The following RARB variants were observed in gnomAD, a reference collection of about 807,000 sequenced individuals.
RARB encodes the protein retinoic acid receptor beta, also known as HBV-activated protein.
Under a neutral mutation model 51.9 loss-of-function variants are expected in RARB, and 17 were observed. The observed-to-expected ratio is 0.33, with a 90% CI of 0.22 to 0.49. The LOEUF (loss-of-function observed/expected upper bound fraction) is 0.49, where lower values mean the gene tolerates loss of function less well. RARB is among the 20% of genes least tolerant of loss of function. The pLI is 0.99. For missense variants in RARB, 369 were observed against 550.8 expected, an observed-to-expected ratio of 0.67 and a Z score of 3.30; for synonymous variants, 215 against 195.4, an observed-to-expected ratio of 1.10 and a Z score of -0.84.
chr3:25,492,603 TTC>T (rs1427360801), intron 2 of RARB, among the ~76,000 whole-genome samples: 4 of 152,188 alleles, frequency 2.6e-5, no homozygotes, highest in Non-Finnish European at 5.9e-5. Context: ...CTAACAGAGG[TTC>T]AGCTCTCAAG....
intron 5 of RARB, among the ~76,000 whole-genome samples, chr3:25,388,971 A>G (rs926798546): frequency 6.6e-6 from 1 of 152,202 alleles, no homozygotes; most frequent in East Asian, 1.9e-4. Context: ...GAATAGAAAC[A>G]CATCCTTTTG....
chr3:24,972,689 G>C (rs1055640011), intron 2 of RARB, among the ~76,000 whole-genome samples: 1 of 151,954 alleles, frequency 6.6e-6, no homozygotes, highest in African/African-American at 2.4e-5. Context: ...CATGTTAACT[G>C]GGGTGAGATG....
chr3:24,969,706 A>T (rs1575097312), intron 2 of RARB, among the ~76,000 whole-genome samples: 2 of 152,250 alleles, frequency 1.3e-5, no homozygotes, highest in East Asian at 3.9e-4. Context: ...TTTCTTCACT[A>T]AGCCTTCTGT....
intron 3 of RARB, among the ~76,000 whole-genome samples, chr3:25,109,277 C>G (rs73047728): frequency 6.6e-6 from 1 of 151,928 alleles, no homozygotes; most frequent in Non-Finnish European, 1.5e-5. Context: ...TTGACTTAAC[C>G]TTTGCATTTT....
chr3:25,342,452 C>G (rs577682999), intron 5 of RARB, among the ~76,000 whole-genome samples: 1 of 152,324 alleles, frequency 6.6e-6, no homozygotes, highest in East Asian at 1.9e-4. Flanking sequence ...CTTTCCCATT[C>G]TCTCTTACAG....
intron 2 of RARB, among the ~76,000 whole-genome samples, chr3:25,482,402 T>C (rs1459917114): frequency 6.6e-6 from 1 of 151,792 alleles, no homozygotes; most frequent in Non-Finnish European, 1.5e-5. Flanking sequence ...GAGCATGTAC[T>C]CAACAAAAAG....
intron 2 of RARB, among the ~76,000 whole-genome samples, chr3:25,045,742 A>G (rs1698202446): frequency 6.6e-6 from 1 of 152,260 alleles, no homozygotes; most frequent in African/African-American, 2.4e-5. Flanking sequence ...TAGGGAAATT[A>G]CAAGCATATT....
rs322709 is a variant in RARB, at chr3:25,248,418, C to A, written c.178+73843C>A. ...TACTCCTATTATTTTATTAATTGAG[C>A]TATTGTTATTTTGAATATTCTTTGT... On this transcript the variant is annotated intron_variant, in intron 5 of 11. Coordinates refer to the RARB transcript ENST00000383772. Among the ~76,000 whole-genome samples the A allele has an allele frequency of 2.0e-5, 3 of 151,972 alleles. No individual in the cohort carries two copies. The South Asian group carries it at 6.2e-4, about 32-fold the overall frequency.
intron 2 of RARB, among the ~76,000 whole-genome samples, chr3:25,022,594 A>G (rs1697661690): frequency 6.6e-6 from 1 of 152,194 alleles, no homozygotes; most frequent in South Asian, 2.1e-4. Context: ...CATGCTTACT[A>G]GCCCTTGGCA....
chr3:25,212,344 G>A (rs1465293926), intron 5 of RARB, among the ~76,000 whole-genome samples: 1 of 152,152 alleles, frequency 6.6e-6, no homozygotes, highest in African/African-American at 2.4e-5. Context: ...ACTTGGCTGG[G>A]TACAGTGGCT....
chr3:24,859,835 G>A (rs1489534875), intron 2 of RARB, among the ~76,000 whole-genome samples: 1 of 152,194 alleles, frequency 6.6e-6, no homozygotes, highest in Non-Finnish European at 1.5e-5. Flanking sequence ...TGGATAAGAT[G>A]CAAAGGAGTA....
At chr3:24,929,834 T>TA (rs985538261) in intron 2 of RARB, among the ~76,000 whole-genome samples, 8 of 151,964 alleles carry the variant, frequency 5.3e-5, no homozygotes, top group African/African-American at 1.4e-4. Context: ...GTTGACTCCT[T>TA]AAAAAAAATT....
chr3:24,881,555 G>T (rs1559381478), intron 2 of RARB, among the ~76,000 whole-genome samples: 1 of 152,100 alleles, frequency 6.6e-6, no homozygotes, highest in East Asian at 1.9e-4. Flanking sequence ...GGGACCAAGA[G>T]AAAATCTTGA....
At chr3:25,437,117 CTTTT>C (rs35238900) in intron 1 of RARB, among the ~76,000 whole-genome samples, 1 of 139,648 alleles carries the variant, frequency 7.2e-6, no homozygotes, top group Admixed American at 7.2e-5. Flanking sequence ...TAAAAGCAAA[CTTTT>C]TTTTTTTTTT....
chr3:25,211,966 A>T (rs1367883000), intron 5 of RARB, among the ~76,000 whole-genome samples: 1 of 152,180 alleles, frequency 6.6e-6, no homozygotes, highest in Non-Finnish European at 1.5e-5. Context: ...TCCATTTGCC[A>T]ATAATATAAG....
intron 5 of RARB, among the ~76,000 whole-genome samples, chr3:25,218,351 T>G (rs921500529): frequency 3.9e-5 from 6 of 152,128 alleles, no homozygotes; most frequent in Non-Finnish European, 5.9e-5. Context: ...TTACTTTTTT[T>G]GTTACTACCC....
chr3:24,994,276 A>G (rs931231318), intron 2 of RARB, among the ~76,000 whole-genome samples: 9 of 149,888 alleles, frequency 6.0e-5, no homozygotes, highest in African/African-American at 1.7e-4. Context: ...TCATTTTTCT[A>G]TATATTTGTT....
chr3:25,143,371 T>C (rs1237625964), intron 4 of RARB, among the ~76,000 whole-genome samples: 3 of 152,186 alleles, frequency 2.0e-5, no homozygotes, highest in African/African-American at 7.2e-5. Context: ...TCTGCTGTTT[T>C]TCCCAAAAAA....
intron 4 of RARB, among the ~76,000 whole-genome samples, chr3:25,134,958 C>A (rs7636344): frequency 0.24 from 36,866 of 151,768 alleles, 5,014 homozygotes; most frequent in South Asian, 0.36. Flanking sequence ...GAAGATTAAA[C>A]GCTACTTATG....
Sources: allele counts gnomAD v4.1 joint callset (sites outside exome capture counted in the v4.1 genomes callset), GRCh38; gene constraint gnomAD v4.1.1; transcripts MANE v1.5; gene names NCBI Gene and HGNC (gene_info 2026-07-23, HGNC 2026-07-21).